ANXA7: variants seen among roughly 807,000 people sequenced by gnomAD.
ANXA7 encodes annexin VII.
Under a neutral mutation model 64.9 loss-of-function variants are expected in ANXA7, and 55 were observed. That is an observed-to-expected ratio of 0.85 (90% confidence interval 0.68 to 1.06). The LOEUF is 1.06. Ranked by LOEUF, ANXA7 falls within the 50% of genes least tolerant of loss-of-function variation. The pLI, the probability that ANXA7 is intolerant of heterozygous loss-of-function variation, is 0.00. For missense variants in ANXA7, 548 were observed against 582.1 expected (o/e 0.94, Z 0.60); for synonymous variants, 200 against 192.4 (o/e 1.04, Z -0.33).
intron 9 of ANXA7, among the ~76,000 whole-genome samples, chr10:73,382,873 G>A (rs1478583062): frequency 6.6e-6 from 1 of 152,242 alleles, no homozygotes; most frequent in South Asian, 2.1e-4. Context: ...TAATGGGCAG[G>A]ATAGTGATAA....
intron 7 of ANXA7, 87 bp from the exon 8 acceptor site, chr10:73,383,777 G>T: frequency 1.1e-6 from 1 of 883,996 alleles, no homozygotes; most frequent in African/African-American, 1.7e-5. Flanking sequence ...AAAAAGAAAT[G>T]GAATTGCTTT....
intron 8 of ANXA7, 45 bp from the exon 9 acceptor site, chr10:73,383,390 C>A (rs2132657723): frequency 6.5e-7 from 1 of 1,539,114 alleles, no homozygotes; most frequent in Non-Finnish European, 8.8e-7. Context: ...AATGAAATTT[C>A]TGCAAGTAAT....
chr10:73,393,096 C>A (rs972404346), intron 5 of ANXA7, among the ~76,000 whole-genome samples: 2 of 152,108 alleles, frequency 1.3e-5, no homozygotes, highest in Non-Finnish European at 2.9e-5. Context: ...TGAACTCCCA[C>A]TCACAATCGC....
intron 1 of ANXA7, among the ~76,000 whole-genome samples, chr10:73,403,760 TCAC>T (rs1006033918): frequency 3.9e-5 from 6 of 152,362 alleles, no homozygotes; most frequent in African/African-American, 1.2e-4. Flanking sequence ...ATTTGCATTT[TCAC>T]CAGCACTGCC....
chr10:73,410,192 A>G (rs954882362), intron 1 of ANXA7, among the ~76,000 whole-genome samples: 1 of 152,224 alleles, frequency 6.6e-6, no homozygotes, highest in Non-Finnish European at 1.5e-5. Flanking sequence ...GGCACAGCAA[A>G]ACAAATAATC....
intron 11 of ANXA7, 76 bp downstream of exon 11, chr10:73,379,803 A>G (rs1466833639): frequency 1.4e-6 from 2 of 1,383,344 alleles, no homozygotes; most frequent in East Asian, 4.6e-5. Flanking sequence ...TATATTATCA[A>G]CATTTAATGG....
intron 1 of ANXA7, among the ~76,000 whole-genome samples, chr10:73,406,917 C>A (rs750671657): frequency 3.3e-5 from 5 of 152,056 alleles, no homozygotes; most frequent in Non-Finnish European, 7.4e-5. Flanking sequence ...TAACCCTCAA[C>A]GTGAAATCTC....
At position 73,397,203 on chromosome 10, in the gene ANXA7, G is replaced by C; in HGVS notation, c.331C>G (p.Gln111Glu). The C allele has an allele frequency of 6.2e-7, 1 of 1,612,064 alleles. No homozygotes were observed. ...GFSGYPQPPS[Q>E]SYGGGPAQVP... ...TGTGCTGGACCACCTCCATAAGACT[G>C]TGAAGGTGGCTGTGGATACCCAGAA... Residue 111 changes from glutamine (Q) to glutamate (E), a missense_variant, in exon 4 of 13, where the codon CAG becomes GAG. Gln to Glu is a conservative substitution (Grantham distance 29). Coordinates refer to ENST00000372921, the MANE Select transcript of ANXA7 (RefSeq NM_001156.5).
intron 3 of ANXA7, 87 bp from the exon 4 acceptor site, chr10:73,397,361 G>A (rs2055593010): frequency 4.7e-6 from 3 of 635,656 alleles, no homozygotes; most frequent in Admixed American, 6.6e-5. Context: ...GTTAACAGTG[G>A]AAAAATATGC....
intron 12 of ANXA7, among the ~76,000 whole-genome samples, chr10:73,378,538 C>T (rs1230171464): frequency 6.6e-6 from 1 of 151,732 alleles, no homozygotes; most frequent in Non-Finnish European, 1.5e-5. Context: ...ATAAAGGATG[C>T]TAAATTTAAA....
In ANXA7 at chr10:73,383,250, A is replaced by G; in HGVS notation, c.843T>C (p.Phe281=). Residue 281 remains phenylalanine, a synonymous_variant, in exon 9 of 13, where the codon TTT becomes TTC. Transcript: ENST00000372921. The part of the protein sequence containing the change: ...REIVRCYQSE[F]GRDLEKDIRS... ...TAATGTCCTTTTCAAGGTCTCGTCC[A>G]AATTCTGACTGATAACATCTGACAA... The G allele has an allele frequency of 1.2e-6, 2 of 1,614,148 alleles. No homozygotes were observed. The highest frequency in any genetic ancestry group is 1.7e-6 in the Non-Finnish European group (2 of 1,180,012).
chr10:73,409,084 A>G (rs2132704254), intron 1 of ANXA7, among the ~76,000 whole-genome samples: 1 of 152,360 alleles, frequency 6.6e-6, no homozygotes, highest in South Asian at 2.1e-4. Context: ...AAAAGTTGAA[A>G]GCATTCCCCC....
chr10:73,390,725 T>TATATATATATATATATATATATAA (rs1217514163), intron 5 of ANXA7, among the ~76,000 whole-genome samples: 5 of 124,642 alleles, frequency 4.0e-5, no homozygotes, highest in African/African-American at 1.3e-4. Context: ...TATATAAAAA[T>TATATATATATATATATATATATAA]ATATATATAC....
intron 5 of ANXA7, among the ~76,000 whole-genome samples, chr10:73,393,348 G>GA (rs994310594): frequency 2.0e-5 from 3 of 151,968 alleles, no homozygotes; most frequent in African/African-American, 7.2e-5. Context: ...CACAGAATTG[G>GA]AAAAAACTAC....
intron 6 of ANXA7, 133 bp downstream of exon 6, chr10:73,388,179 T>A (rs1447143354): frequency 3.0e-6 from 2 of 665,078 alleles, no homozygotes; most frequent in Non-Finnish European, 5.3e-6. Context: ...TACAAGGCAC[T>A]AGACATCAGA....
chr10:73,398,089 T>C (rs2055604029), intron 3 of ANXA7, 92 bp downstream of exon 3: 20 of 1,327,998 alleles, frequency 1.5e-5, no homozygotes, highest in Non-Finnish European at 2.0e-5. Context: ...CTTGACCTTA[T>C]ACAAAACAAG....
In ANXA7 at chr10:73,380,039, A is replaced by G. The variant is rs1352007357; in HGVS notation, c.1081T>C (p.Tyr361His). ...AAAAGAAAAGCTCATACCCTAGAAT[A>G]AGCCTCCATGGTAGCTCTCAGCTGA... ...FPQLRATMEA[Y>H]SRMANRDLLS... The change falls in exon 10 of 13, where the codon TAT (tyrosine) becomes CAT (histidine). Residue 361 changes from tyrosine (Y) to histidine (H), a missense_variant. By Grantham distance (83) the Tyr-to-His change is moderately conservative. Coordinates refer to ENST00000372921, the MANE Select transcript of ANXA7 (RefSeq NM_001156.5). 3 of 1,613,788 alleles carry G rather than the reference A, an allele frequency of 1.9e-6. No individual in the cohort carries two copies. The highest frequency in any genetic ancestry group is 4.5e-5 in the East Asian group (2 of 44,892).
intron 1 of ANXA7, among the ~76,000 whole-genome samples, chr10:73,402,636 T>C (rs988678460): frequency 1.3e-5 from 2 of 152,240 alleles, no homozygotes; most frequent in Admixed American, 1.3e-4. Context: ...ATGTAAAACA[T>C]TCTCTGGATT....
intron 1 of ANXA7, among the ~76,000 whole-genome samples, chr10:73,411,999 G>A (rs981973025): frequency 1.3e-5 from 2 of 152,248 alleles, no homozygotes; most frequent in South Asian, 4.2e-4. Context: ...ACTGCTTCCT[G>A]GATGAAGAGC....
Sources: allele counts gnomAD v4.1 joint callset (sites outside exome capture counted in the v4.1 genomes callset), GRCh38; gene constraint gnomAD v4.1.1; transcripts MANE v1.5; gene names NCBI Gene and HGNC (gene_info 2026-07-23, HGNC 2026-07-21).